KDM3A: variants seen among roughly 807,000 people sequenced by gnomAD.
The protein encoded by KDM3A is lysine demethylase 3A, also known as lysine-specific demethylase 3A.
In KDM3A, 60 loss-of-function variants were observed where a neutral mutation model predicts 158.0. The observed-to-expected ratio is 0.38, with a 90% CI of 0.31 to 0.47. The LOEUF (loss-of-function observed/expected upper bound fraction) is 0.47. Among genes scored for constraint, KDM3A ranks in the 20% least tolerant of loss-of-function variants. KDM3A has a pLI of 0.99. For synonymous variants in KDM3A, 608 were observed against 549.3 expected (o/e 1.11, Z -1.49); for missense variants, 1,319 against 1,574.3 (o/e 0.84, Z 2.74).
At chr2:86,468,347 A>G (rs1375889393) in intron 10 of KDM3A, among the ~76,000 whole-genome samples, 5 of 152,182 alleles carry the variant, frequency 3.3e-5, no homozygotes, top group Admixed American at 3.3e-4. Context: ...TCATAACCAT[A>G]TCCTTGTTCT....
At chr2:86,452,912 T>G (rs1227689483) in intron 4 of KDM3A, among the ~76,000 whole-genome samples, 1 of 152,202 alleles carries the variant, frequency 6.6e-6, no homozygotes, top group Non-Finnish European at 1.5e-5. Context: ...AGACACAAGT[T>G]CTTGTGTTAT....
At chr2:86,478,886 T>C (rs928182899) in intron 15 of KDM3A, 151 bp downstream of exon 15, 6 of 717,610 alleles carry the variant, frequency 8.4e-6, no homozygotes, top group African/African-American at 7.1e-5. Context: ...ATACAGTTCA[T>C]GTGACAGTTC....
chr2:86,459,964 ACGT>A (rs1333145201), intron 8 of KDM3A, among the ~76,000 whole-genome samples: 3 of 152,216 alleles, frequency 2.0e-5, no homozygotes, highest in South Asian at 2.1e-4. Context: ...TATGCTAGTC[ACGT>A]CATTCTAAAG....
chr2:86,474,215 TC>T (rs1223770042), intron 11 of KDM3A, among the ~76,000 whole-genome samples: 5 of 152,198 alleles, frequency 3.3e-5, no homozygotes, highest in Non-Finnish European at 5.9e-5. Flanking sequence ...TATACCTCTC[TC>T]CCCTTCTCCT....
Position 86,482,612 on chromosome 2 carries a change from G to C in KDM3A, c.2840G>C (p.Cys947Ser). Residue 947 changes from cysteine (C) to serine (S), a missense_variant, in exon 18 of 26, where the codon TGT (cysteine) becomes TCT (serine). Around this residue, in one of 4 missense-constraint regions of KDM3A, gnomAD observed 368 missense variants for 415.8 expected, o/e 0.89. Transcript: ENST00000312912. ...LGFDTPHYWL[C>S]DNRLLCLQDP... ...TTTGACACTCCTCACTATTGGCTTTGTGATAATCGCTTGCTGTGCTTGCAA... is the reference window on the plus strand; with the variant it reads ...TTTGACACTCCTCACTATTGGCTTTCTGATAATCGCTTGCTGTGCTTGCAA... 1 of 1,614,108 alleles carries C rather than the reference G, an allele frequency of 6.2e-7. No individual in the cohort carries two copies. The highest frequency in any genetic ancestry group is 2.2e-5 in the East Asian group (1 of 44,872).
Position 86,490,971 on chromosome 2 carries a change from C to T in KDM3A, c.3664C>T (p.Leu1222Phe), listed in dbSNP as rs757088697. 5 of 1,613,954 alleles carry T rather than the reference C, an allele frequency of 3.1e-6. No individual in the cohort carries two copies. The highest frequency in any genetic ancestry group is 3.4e-6 in the Non-Finnish European group (4 of 1,179,868). ...TTTAGACCGATCATTAAGAAAACGT[C>T]TTCATCAAGAGTATGGAGTTCAAGG... is the stretch of plus-strand genomic sequence containing the variant. The part of the protein sequence containing the change: ...WYLDRSLRKR[L>F]HQEYGVQGWA... The change falls in exon 24 of 26, where the codon CTT becomes TTT. Residue 1222 changes from leucine to phenylalanine, a missense_variant. Transcript: ENST00000312912.
chr2:86,484,382 G>C (rs1023311853), intron 19 of KDM3A, among the ~76,000 whole-genome samples: 3 of 152,228 alleles, frequency 2.0e-5, no homozygotes, highest in African/African-American at 4.8e-5. Context: ...CAGAACATCA[G>C]ATAGGGTCAG....
chr2:86,487,798 T>G (rs1174761747), intron 21 of KDM3A: 2 of 152,126 alleles, frequency 1.3e-5, no homozygotes, highest in Non-Finnish European at 2.9e-5. Flanking sequence ...CATCTCAGTT[T>G]ACCATGGTTT....
chr2:86,492,099 TC>T lies in KDM3A; in HGVS notation c.3948del (p.Ser1317ValfsTer13), dbSNP rs764134780. 8.2e-5 allele frequency: 133 copies of T among 1,613,286 alleles called. 1 individual carries two copies. Among genetic ancestry groups the T allele is most frequent in the Non-Finnish European group, 3.4e-6 (4 of 1,179,478 alleles). ...AGTTGCTATGCTGAAAGCCAGTGAATCCAGTTTTGGCAAACCTTAATCTCCC... is the reference window on the plus strand; with the variant it reads ...AGTTGCTATGCTGAAAGCCAGTGAATCAGTTTTGGCAAACCTTAATCTCCC... Reference protein sequence around the residue: ...DAVAMLKASESSFGKP With the variant: ...DAVAMLKASEXSFGKP On this transcript the variant is annotated frameshift_variant, in exon 26 of 26. Coordinates refer to ENST00000312912, the MANE Select transcript of KDM3A (RefSeq NM_018433.6). LOFTEE classifies it high-confidence loss of function.
At chr2:86,472,470 T>C (rs949771955) in intron 11 of KDM3A, among the ~76,000 whole-genome samples, 1 of 152,176 alleles carries the variant, frequency 6.6e-6, no homozygotes, top group African/African-American at 2.4e-5. Flanking sequence ...GTGGTAAGGC[T>C]CAGCTGCTAG....
intron 4 of KDM3A, among the ~76,000 whole-genome samples, chr2:86,453,540 C>A (rs915487548): frequency 2.6e-5 from 4 of 152,136 alleles, no homozygotes; most frequent in African/African-American, 9.7e-5. Flanking sequence ...TTTCGTTAAG[C>A]CCTAAACTCT....
chr2:86,472,700 G>A (rs1673476058), intron 11 of KDM3A, among the ~76,000 whole-genome samples: 1 of 152,130 alleles, frequency 6.6e-6, no homozygotes, highest in African/African-American at 2.4e-5. Flanking sequence ...CTTTGCATGT[G>A]TCTCACATGA....
chr2:86,456,422 T>C lies in KDM3A; in HGVS notation c.557-20T>C. 3 of 1,403,966 alleles carry C rather than the reference T, an allele frequency of 2.1e-6. No individual in the cohort carries two copies. The highest frequency in any genetic ancestry group is 9.4e-7 in the Non-Finnish European group (1 of 1,059,756). The allele number at this position is 1,403,966 out of a possible 1,614,324, so 87.0% of individuals were successfully genotyped here. On this transcript the variant is annotated intron_variant, in intron 5 of 25. Coordinates refer to ENST00000312912, the MANE Select transcript of KDM3A (RefSeq NM_018433.6). ...TAATGCAAATTGCTCTAAGATTTTTTTTTTTTTTTTTTTTTTAAGGTGACA... is the reference window on the plus strand; with the variant it reads ...TAATGCAAATTGCTCTAAGATTTTTCTTTTTTTTTTTTTTTTAAGGTGACA...
intron 12 of KDM3A, among the ~76,000 whole-genome samples, chr2:86,477,454 CT>C (rs1040730145): frequency 2.0e-5 from 3 of 152,124 alleles, no homozygotes; most frequent in African/African-American, 7.2e-5. Flanking sequence ...GTAAATTTTT[CT>C]TTTTTCCTTT....
At chr2:86,470,142 C>A in intron 10 of KDM3A, 62 bp from the exon 11 acceptor site, 3 of 1,325,760 alleles carry the variant, frequency 2.3e-6, no homozygotes, top group South Asian at 2.4e-5. Context: ...AGAATTCAGT[C>A]ATATATGAAT....
chr2:86,446,354 G>C (rs1682957281), intron 2 of KDM3A, among the ~76,000 whole-genome samples: 1 of 152,216 alleles, frequency 6.6e-6, no homozygotes, highest in African/African-American at 2.4e-5. Context: ...GAAACTAGCT[G>C]CATCTGTCAG....
chr2:86,475,013 A>G (rs1673598791), intron 12 of KDM3A, 23 bp downstream of exon 12: 1 of 1,579,036 alleles, frequency 6.3e-7, no homozygotes. Context: ...CTTAGGGGGT[A>G]GGATTTTCGA....
At chr2:86,475,117 G>A in intron 12 of KDM3A, 127 bp downstream of exon 12, 1 of 758,220 alleles carries the variant, frequency 1.3e-6, no homozygotes, top group Non-Finnish European at 2.2e-6. Flanking sequence ...GTATAATGAG[G>A]TTGCATTTTT....
chr2:86,452,451 C>G (rs1314149658), intron 4 of KDM3A, among the ~76,000 whole-genome samples: 1 of 152,064 alleles, frequency 6.6e-6, no homozygotes, highest in African/African-American at 2.4e-5. Flanking sequence ...TTGAAGGAAC[C>G]TACACCTGTA....
Sources: gnomAD v4.1 joint callset for allele counts (sites outside exome capture counted in the v4.1 genomes callset) on GRCh38, gnomAD v4.1.1 for gene constraint, gnomAD v4.1.1 regional missense constraint, MANE v1.5 for transcripts, NCBI Gene and HGNC (gene_info 2026-07-23, HGNC 2026-07-21) for gene names.